The following COL21A1 variants were observed in gnomAD, a reference collection of about 807,000 sequenced individuals.
The protein encoded by COL21A1 is collagen alpha-1(XXI) chain.
Under a neutral mutation model 137.9 loss-of-function variants are expected in COL21A1, and 149 were observed. The observed-to-expected ratio is 1.08, with a 90% CI of 0.95 to 1.24. The LOEUF is 1.24. Ranked by LOEUF, COL21A1 falls within the 50% of genes most tolerant of loss-of-function variation. The pLI, the probability that COL21A1 is intolerant of heterozygous loss-of-function variation, is 0.00. For missense variants in COL21A1, 1,167 were observed against 1,158.4 expected (o/e 1.01, Z -0.11); for synonymous variants, 456 against 391.5 (o/e 1.16, Z -1.95).
intron 1 of COL21A1, among the ~76,000 whole-genome samples, chr6:56,259,486 G>C (rs1763200535): frequency 6.6e-6 from 1 of 152,188 alleles, no homozygotes; most frequent in Non-Finnish European, 1.5e-5. Context: ...GCTTCCAAAT[G>C]TTAGGATATG....
intron 16 of COL21A1, among the ~76,000 whole-genome samples, chr6:56,114,805 C>T (rs1771768431): frequency 6.8e-6 from 1 of 147,704 alleles, no homozygotes; most frequent in Non-Finnish European, 1.5e-5. Flanking sequence ...CCATTTGACC[C>T]AGCCATCCCA....
At chr6:56,140,035 T>C (rs908002893) in intron 12 of COL21A1, among the ~76,000 whole-genome samples, 2 of 152,192 alleles carry the variant, frequency 1.3e-5, no homozygotes, top group African/African-American at 4.8e-5. Context: ...TTCCTACATC[T>C]GTAAAATTGA....
chr6:56,318,186 T>C (rs72870254), intron 1 of COL21A1, among the ~76,000 whole-genome samples: 8,531 of 152,274 alleles, frequency 0.056, 317 homozygotes, highest in Non-Finnish European at 0.083. Flanking sequence ...CATCATTATT[T>C]TTCCCTTGCA....
At chr6:56,344,473 C>T (rs572839470) in intron 1 of COL21A1, among the ~76,000 whole-genome samples, 27 of 151,070 alleles carry the variant, frequency 1.8e-4, no homozygotes, top group African/African-American at 6.3e-4. Flanking sequence ...AACTACAAAA[C>T]AACATTTTTC....
chr6:56,270,086 C>T (rs1763487551), intron 1 of COL21A1, among the ~76,000 whole-genome samples: 1 of 152,178 alleles, frequency 6.6e-6, no homozygotes, highest in South Asian at 2.1e-4. Context: ...ATCAATACTA[C>T]CCCTTAATGT....
intron 1 of COL21A1, chr6:56,276,754 T>C (rs1369837452): frequency 7.9e-7 from 1 of 1,261,108 alleles, no homozygotes; most frequent in Non-Finnish European, 1.2e-6. Context: ...AGTATCCAAA[T>C]CATCTCTACT....
chr6:56,065,672 A>G (rs191690534), intron 23 of COL21A1, among the ~76,000 whole-genome samples: 156 of 152,000 alleles, frequency 1.0e-3, no homozygotes, highest in African/African-American at 3.7e-3. Flanking sequence ...CACAGGTGAA[A>G]GGCAGGTAGT....
intron 1 of COL21A1, among the ~76,000 whole-genome samples, chr6:56,264,743 T>C (rs1457803644): frequency 6.6e-6 from 1 of 152,216 alleles, no homozygotes; most frequent in African/African-American, 2.4e-5. Context: ...ACCATTCTCC[T>C]GTACACCCTA....
intron 29 of COL21A1, among the ~76,000 whole-genome samples, chr6:56,058,786 T>C (rs1007528270): frequency 6.6e-6 from 1 of 152,128 alleles, no homozygotes; most frequent in Non-Finnish European, 1.5e-5. Flanking sequence ...ATGAGGAAAC[T>C]GAGACATGGC....
chr6:56,377,576 C>A (rs773000558), intron 1 of COL21A1, among the ~76,000 whole-genome samples: 13 of 152,124 alleles, frequency 8.5e-5, no homozygotes, highest in Non-Finnish European at 1.3e-4. Flanking sequence ...GTGGTGGGAA[C>A]TTGAGTTCTT....
intron 12 of COL21A1, among the ~76,000 whole-genome samples, chr6:56,133,499 A>G (rs1291221363): frequency 1.3e-5 from 2 of 152,232 alleles, no homozygotes; most frequent in Non-Finnish European, 2.9e-5. Context: ...ATAATGTGAT[A>G]GAAAAGAAAA....
intron 1 of COL21A1, among the ~76,000 whole-genome samples, chr6:56,223,017 AGAGATAT>A (rs1780944830): frequency 7.4e-6 from 1 of 135,494 alleles, no homozygotes; most frequent in Non-Finnish European, 1.6e-5. Context: ...TATTAAAGTA[AGAGATAT>A]CCACATTCTA....
intron 17 of COL21A1, among the ~76,000 whole-genome samples, chr6:56,084,239 T>G (rs546030021): frequency 6.6e-6 from 1 of 151,054 alleles, no homozygotes; most frequent in South Asian, 2.1e-4. Context: ...TAAAAAACAT[T>G]AATAAGAGAG....
At chr6:56,248,905 T>A (rs2152328662), upstream of COL21A1, among the ~76,000 whole-genome samples, 1 of 152,278 alleles carries the variant, frequency 6.6e-6, no homozygotes, top group South Asian at 2.1e-4. Context: ...TTAGACTCCA[T>A]CAAAATTTAA....
intron 1 of COL21A1, among the ~76,000 whole-genome samples, chr6:56,218,460 C>T (rs1780623315): frequency 6.6e-6 from 1 of 152,052 alleles, no homozygotes; most frequent in Admixed American, 6.6e-5. Flanking sequence ...ATCTATAAGA[C>T]AACAGCTCCC....
chr6:56,136,593 G>A (rs768580252), intron 12 of COL21A1, among the ~76,000 whole-genome samples: 37 of 152,136 alleles, frequency 2.4e-4, no homozygotes, highest in Non-Finnish European at 2.6e-4. Flanking sequence ...CTTTTAAGCC[G>A]ATCTAGAGTC....
intron 17 of COL21A1, among the ~76,000 whole-genome samples, chr6:56,081,206 C>A (rs764192685): frequency 6.6e-6 from 1 of 151,646 alleles, no homozygotes; most frequent in Non-Finnish European, 1.5e-5. Context: ...CATGTCTCTA[C>A]GTTTTGTCCT....
At chr6:56,110,608 G>T (rs1771339848) in intron 16 of COL21A1, among the ~76,000 whole-genome samples, 1 of 151,870 alleles carries the variant, frequency 6.6e-6, no homozygotes, top group Non-Finnish European at 1.5e-5. Flanking sequence ...AACAAAAAAA[G>T]TTGCAGGAAC....
At chr6:56,340,961 T>G (rs953411227) in intron 1 of COL21A1, among the ~76,000 whole-genome samples, 1 of 152,220 alleles carries the variant, frequency 6.6e-6, no homozygotes, top group Non-Finnish European at 1.5e-5. Context: ...TGTCTCCTTA[T>G]GCCTACAGTA....
Sources: allele counts gnomAD v4.1 joint callset (sites outside exome capture counted in the v4.1 genomes callset), GRCh38; gene constraint gnomAD v4.1.1; transcripts MANE v1.5; gene names NCBI Gene and HGNC (gene_info 2026-07-23, HGNC 2026-07-21).